PUDP: variants seen among roughly 807,000 people sequenced by gnomAD.
The protein encoded by PUDP is pseudouridine 5'-phosphatase, also known as pseudouridine-5'-phosphatase.
Under a neutral mutation model 9.4 loss-of-function variants are expected in PUDP, and 8 were observed. The ratio of observed to expected loss-of-function variants is 0.85; its 90% CI spans 0.50 to 1.53. The LOEUF is 1.53. PUDP is among the 40% of genes most tolerant of loss of function. The pLI is 0.00. For missense variants in PUDP, 188 were observed against 189.7 expected, an observed-to-expected ratio of 0.99 and a Z score of 0.05; for synonymous variants, 99 against 80.7, an observed-to-expected ratio of 1.23 and a Z score of -1.22.
chrX:7,111,714 T>C (rs189241791), intron 1 of PUDP, among the ~76,000 whole-genome samples: 63 of 111,899 alleles, frequency 5.6e-4, no homozygotes, highest in African/African-American at 2.0e-3. Context: ...GACCTTGGCT[T>C]GCACACCTCT....
chrX:6,752,633 G>C (rs767321657), intron 3 of PUDP, among the ~76,000 whole-genome samples: 4 of 111,461 alleles, frequency 3.6e-5, no homozygotes, highest in South Asian at 7.7e-4. Flanking sequence ...AGTGACGTCA[G>C]GAAGGCAAAG....
intron 2 of PUDP, among the ~76,000 whole-genome samples, chrX:7,098,600 C>G (rs1474640435): frequency 8.9e-6 from 1 of 111,738 alleles, no homozygotes; most frequent in East Asian, 2.8e-4. Context: ...CCTAAGGGGA[C>G]TGGGGCTGGA....
At chrX:6,966,315 A>G (rs1928783954) in intron 3 of PUDP, among the ~76,000 whole-genome samples, 1 of 111,008 alleles carries the variant, frequency 9.0e-6, no homozygotes, top group South Asian at 3.8e-4. Flanking sequence ...CCACCTGTAA[A>G]AGTTAAAATT....
chrX:6,730,776 A>C (rs981824535), intron 3 of PUDP, among the ~76,000 whole-genome samples: 6 of 112,018 alleles, frequency 5.4e-5, no homozygotes, highest in African/African-American at 1.9e-4. Flanking sequence ...GTAGAGACCT[A>C]AGTTCACTAT....
At chrX:7,074,913 C>T (rs935050946) in intron 3 of PUDP, among the ~76,000 whole-genome samples, 5 of 112,117 alleles carry the variant, frequency 4.5e-5, no homozygotes, top group African/African-American at 1.3e-4. Context: ...GCACGTCCCA[C>T]GTTAAGCAAT....
chrX:6,876,143 C>T (rs373537732), intron 3 of PUDP, among the ~76,000 whole-genome samples: 3 of 111,469 alleles, frequency 2.7e-5, no homozygotes, highest in African/African-American at 9.8e-5. Context: ...CTTTTGAGTG[C>T]CCATACAACC....
rs1286083249 is a variant in PUDP at position 6,937,617 on chromosome X, A to C, written c.*247+39516T>G. On this transcript the variant is annotated intron_variant and NMD_transcript_variant, in intron 3 of 3. Transcript: ENST00000655425. The stretch of plus-strand genomic sequence containing the variant: ...ACACCAAAAGCAATGGCAACAAAAG[A>C]CAAAATTGACAAATGGGATCTAATT... Among the ~76,000 whole-genome samples the C allele has an allele frequency of 2.6e-3, 250 of 97,332 alleles. 2 individuals carry two copies. Among genetic ancestry groups the C allele is most frequent in the African/African-American group, 8.4e-3 (223 of 26,504 alleles). The allele number at this position is 97,332 out of a possible 115,157, so 84.5% of individuals were successfully genotyped here. A position where few individuals can be genotyped will look rare whatever the true frequency, so the allele number is the denominator to read the frequency against.
At chrX:7,110,682 T>C (rs1453324605) in intron 1 of PUDP, among the ~76,000 whole-genome samples, 4 of 110,157 alleles carry the variant, frequency 3.6e-5, no homozygotes, top group African/African-American at 1.3e-4. Context: ...CAAAGGGAGA[T>C]AGGGGTGCGG....
intron 1 of PUDP, among the ~76,000 whole-genome samples, chrX:7,141,041 C>G (rs1213945674): frequency 9.0e-6 from 1 of 111,724 alleles, no homozygotes; most frequent in African/African-American, 3.3e-5. Flanking sequence ...ACCCCCATCT[C>G]TCTTCCTCTC....
At chrX:7,042,494 TAGAAA>T (rs1929935548) in intron 1 of PUDP, among the ~76,000 whole-genome samples, 1 of 112,060 alleles carries the variant, frequency 8.9e-6, no homozygotes, top group Non-Finnish European at 1.9e-5. Context: ...TAAGAAGTAC[TAGAAA>T]CACTGGAATT....
chrX:6,996,622 A>G (rs189065217), intron 1 of PUDP, among the ~76,000 whole-genome samples: 2,093 of 105,989 alleles, frequency 0.02, 50 homozygotes, highest in African/African-American at 0.064. Context: ...ATATATATAT[A>G]TGTGTGTGTA....
chrX:6,752,524 G>C (rs1022649217), intron 3 of PUDP, among the ~76,000 whole-genome samples: 22 of 111,937 alleles, frequency 2.0e-4, no homozygotes, highest in African/African-American at 6.5e-4. Context: ...GGAAACTGTA[G>C]AGACAGGATA....
intron 3 of PUDP, among the ~76,000 whole-genome samples, chrX:6,971,904 A>T (rs1928883430): frequency 8.9e-6 from 1 of 111,840 alleles, no homozygotes; most frequent in African/African-American, 3.3e-5. Context: ...AATGGTTTGT[A>T]GTTCTCCTTG....
rs753095169 is a variant in PUDP at position 6,811,277 on chromosome X, T to G, written c.*248-104811A>C. The stretch of plus-strand genomic sequence containing the variant: ...ATGGAGCATTAAGCAAACAGGTATG[T>G]TCTCCCACCAGTGCCATTCTCTGTG... On this transcript the variant is annotated intron_variant and NMD_transcript_variant, in intron 3 of 3. Transcript: ENST00000655425. 5.4e-5 allele frequency among the ~76,000 whole-genome samples: 6 copies of G among 111,079 alleles called. No individual in the cohort carries two copies. The South Asian group carries it at 2.4e-3, about 45-fold the overall frequency.
chrX:6,792,487 C>T (rs1297399326), intron 3 of PUDP, among the ~76,000 whole-genome samples: 1 of 109,309 alleles, frequency 9.1e-6, no homozygotes, highest in Non-Finnish European at 1.9e-5. Flanking sequence ...ACCTAGTTGA[C>T]CTTCCTCTGA....
In PUDP at chrX:6,886,518, C is replaced by G. The variant is rs765327541; in HGVS notation, c.*247+90615G>C. On this transcript the variant is annotated intron_variant and NMD_transcript_variant, in intron 3 of 3. Coordinates refer to the PUDP transcript ENST00000655425. Reference sequence around the variant, plus strand: ...TGTCATTGACAATTGACAGACTTCTCTAAGTAAAGTTTATCTCTTTATTTT... The same window carrying G: ...TGTCATTGACAATTGACAGACTTCTGTAAGTAAAGTTTATCTCTTTATTTT... Among the ~76,000 whole-genome samples the G allele has an allele frequency of 2.9e-4, 33 of 112,166 alleles. No individual in the cohort carries two copies. The Admixed American group carries it at 3.0e-3, about 10-fold the overall frequency.
intron 1 of PUDP, among the ~76,000 whole-genome samples, chrX:7,140,645 C>G (rs981345869): frequency 4.5e-5 from 5 of 111,600 alleles, no homozygotes; most frequent in Admixed American, 9.5e-5. Context: ...TAATATATAG[C>G]TTTTCAAGGA....
intron 3 of PUDP, among the ~76,000 whole-genome samples, chrX:7,064,374 T>C (rs755680266): frequency 1.7e-4 from 19 of 112,055 alleles, no homozygotes; most frequent in Non-Finnish European, 3.4e-4. Context: ...GAACAGCCCA[T>C]ATTCCCACTT....
chrX:7,004,298 A>AT lies in PUDP; in HGVS notation c.205-25956dup, dbSNP rs1171693417. On this transcript the variant is annotated intron_variant and NMD_transcript_variant, in intron 1 of 3. Coordinates refer to the PUDP transcript ENST00000655425. ...TGTCCAGAGTCAGGAGCTAAGCCTC[A>AT]TTTTTTTTTGTTTTAGCTCAGTGTA... 1.1e-4 allele frequency among the ~76,000 whole-genome samples: 12 copies of AT among 110,376 alleles called. No individual in the cohort carries two copies. The South Asian group carries it at 1.5e-3, about 14-fold the overall frequency.
Sources: gnomAD v4.1 joint callset for allele counts (sites outside exome capture counted in the v4.1 genomes callset) on GRCh38, gnomAD v4.1.1 for gene constraint, MANE v1.5 for transcripts, NCBI Gene and HGNC (gene_info 2026-07-23, HGNC 2026-07-21) for gene names.